HSD17B4: variants seen among roughly 807,000 people sequenced by gnomAD.
HSD17B4 encodes peroxisomal multifunctional enzyme type 2.
HSD17B4 carries 70 observed loss-of-function variants against 101.0 expected under a neutral mutation model. The observed-to-expected ratio is 0.69, with a 90% CI of 0.57 to 0.85. The LOEUF (loss-of-function observed/expected upper bound fraction) is 0.85, where lower values mean the gene tolerates loss of function less well. Ranked by LOEUF, HSD17B4 falls within the 40% of genes least tolerant of loss-of-function variation. The pLI, the probability that HSD17B4 is intolerant of heterozygous loss-of-function variation, is 0.00. For synonymous variants in HSD17B4, 347 were observed against 297.1 expected (o/e 1.17, Z -1.73); for missense variants, 984 against 892.4 (o/e 1.10, Z -1.31).
Position 119,496,537 on chromosome 5 carries a change from T to C in HSD17B4, c.869-6T>C. 3 of 1,466,578 alleles carry C rather than the reference T, an allele frequency of 2.0e-6. No homozygotes were observed. Among genetic ancestry groups the C allele is most frequent in the East Asian group, 2.3e-5 (1 of 44,228 alleles). The allele number at this position is 1,466,578 out of a possible 1,614,324, so 90.8% of individuals were successfully genotyped here. On this transcript the variant is annotated splice_polypyrimidine_tract_variant and splice_region_variant and intron_variant, in intron 11 of 23. Transcript: ENST00000510025. ...TATTTTTTTTGTTTTTCATTTTTCA[T>C]TTTAGAATCAACTGGCAGTATAATT...
At chr5:119,500,549 T>C (rs1357346592) in intron 13 of HSD17B4, among the ~76,000 whole-genome samples, 1 of 152,076 alleles carries the variant, frequency 6.6e-6, no homozygotes. Context: ...AAATATAAGA[T>C]GGACAGTTGA....
chr5:119,523,147 TC>T (rs894300319), intron 17 of HSD17B4, among the ~76,000 whole-genome samples: 1 of 152,136 alleles, frequency 6.6e-6, no homozygotes, highest in African/African-American at 2.4e-5. Flanking sequence ...ATTTTTTTTT[TC>T]GAGGATATGA....
At chr5:119,475,945 A>G (rs939536867) in intron 6 of HSD17B4, 75 bp downstream of exon 6, 2 of 1,130,368 alleles carry the variant, frequency 1.8e-6, no homozygotes, top group Non-Finnish European at 2.7e-6. Flanking sequence ...AAATTTATAC[A>G]TTTAAGGAAA....
intron 9 of HSD17B4, among the ~76,000 whole-genome samples, chr5:119,490,306 A>G (rs929228199): frequency 2.0e-5 from 3 of 152,164 alleles, no homozygotes; most frequent in African/African-American, 7.2e-5. Context: ...AATAATCTCA[A>G]GCCATCTGTA....
intron 23 of HSD17B4, among the ~76,000 whole-genome samples, chr5:119,540,669 C>A (rs1241101944): frequency 6.6e-6 from 1 of 152,172 alleles, no homozygotes; most frequent in Admixed American, 6.5e-5. Flanking sequence ...TTGATTGTGA[C>A]TGAATGAGCT....
chr5:119,493,188 A>T (rs1221073644), intron 10 of HSD17B4: 3 of 152,496 alleles, frequency 2.0e-5, no homozygotes, highest in African/African-American at 7.2e-5. Flanking sequence ...ATGTTTAAAT[A>T]AGGTTATTAG....
chr5:119,471,060 TCAAA>T (rs1380599526), intron 2 of HSD17B4, among the ~76,000 whole-genome samples: 8 of 152,244 alleles, frequency 5.3e-5, no homozygotes, highest in African/African-American at 1.9e-4. Flanking sequence ...CATTGCACAA[TCAAA>T]CAATGCTTTC....
chr5:119,535,203 C>A (rs938545551), intron 22 of HSD17B4, among the ~76,000 whole-genome samples: 8 of 152,012 alleles, frequency 5.3e-5, no homozygotes, highest in Non-Finnish European at 1.0e-4. Flanking sequence ...AAGACATTCT[C>A]TTATCTATTC....
chr5:119,509,357 T>G, intron 16 of HSD17B4, 113 bp downstream of exon 16: 1 of 774,278 alleles, frequency 1.3e-6, no homozygotes, highest in Admixed American at 1.8e-5. Flanking sequence ...TAGGCAAATT[T>G]TCTTATACAT....
At chr5:119,508,198 G>A (rs1487022569) in intron 15 of HSD17B4, among the ~76,000 whole-genome samples, 1 of 149,682 alleles carries the variant, frequency 6.7e-6, no homozygotes, top group African/African-American at 2.5e-5. Flanking sequence ...TTCTCTTTTA[G>A]TCTTCTCACC....
chr5:119,459,030 A>T (rs1754952959), intron 2 of HSD17B4, among the ~76,000 whole-genome samples: 1 of 152,250 alleles, frequency 6.6e-6, no homozygotes, highest in Non-Finnish European at 1.5e-5. Context: ...CCTTTGGGTA[A>T]ATTGAATTAC....
chr5:119,525,152 A>AT (rs2126873111), intron 17 of HSD17B4, 64 bp from the exon 18 acceptor site: 1 of 1,100,528 alleles, frequency 9.1e-7, no homozygotes, highest in South Asian at 1.3e-5. Flanking sequence ...CATGTTTCCT[A>AT]TTTTTCATTT....
At chr5:119,471,720 T>C (rs1253754228) in intron 2 of HSD17B4, 2 of 1,303,344 alleles carry the variant, frequency 1.5e-6, no homozygotes, top group East Asian at 5.1e-5. Flanking sequence ...TTAAGTTCTG[T>C]TTTTCCAAGT....
chr5:119,480,997 G>A (rs952533234), intron 8 of HSD17B4, among the ~76,000 whole-genome samples: 2 of 152,190 alleles, frequency 1.3e-5, no homozygotes, highest in Non-Finnish European at 2.9e-5. Flanking sequence ...CTGTTATCCT[G>A]TTCTTTTTTC....
chr5:119,523,864 G>T (rs542754245), intron 17 of HSD17B4, among the ~76,000 whole-genome samples: 1 of 152,178 alleles, frequency 6.6e-6, no homozygotes, highest in African/African-American at 2.4e-5. Context: ...AGCAATTGAG[G>T]CTTCGAATGG....
chr5:119,489,704 C>G (rs1428690164), intron 9 of HSD17B4, among the ~76,000 whole-genome samples: 1 of 152,146 alleles, frequency 6.6e-6, no homozygotes, highest in Non-Finnish European at 1.5e-5. Flanking sequence ...ATTTTAAACC[C>G]TTGGCATAAG....
chr5:119,473,847 C>G (rs974078847), intron 2 of HSD17B4, 61 bp from the exon 3 acceptor site: 12 of 981,688 alleles, frequency 1.2e-5, no homozygotes, highest in Non-Finnish European at 2.0e-5. Context: ...TCCACACACA[C>G]ACACACACAT....
chr5:119,540,475 A>G (rs1047450007), intron 23 of HSD17B4, among the ~76,000 whole-genome samples: 8 of 152,312 alleles, frequency 5.3e-5, no homozygotes, highest in Non-Finnish European at 1.0e-4. Flanking sequence ...TTTTACTTCT[A>G]GTAATTAGGT....
intron 21 of HSD17B4, among the ~76,000 whole-genome samples, chr5:119,530,845 CAAA>C (rs11423247): frequency 5.3e-5 from 3 of 56,346 alleles, no homozygotes; most frequent in African/African-American, 6.8e-5. Context: ...AAGTCTGTCT[CAAA>C]AAAAAAAAAA....
Sources: gnomAD v4.1 joint callset for allele counts (sites outside exome capture counted in the v4.1 genomes callset) on GRCh38, gnomAD v4.1.1 for gene constraint, MANE v1.5 for transcripts, NCBI Gene and HGNC (gene_info 2026-07-23, HGNC 2026-07-21) for gene names.